DGCR2: variants seen among roughly 807,000 people sequenced by gnomAD.
DGCR2 encodes integral membrane protein DGCR2/IDD.
A neutral mutation model predicts 51.6 loss-of-function variants in DGCR2; 24 were observed. The observed-to-expected ratio is 0.47, with a 90% CI of 0.34 to 0.65. DGCR2 has a LOEUF of 0.65. Ranked by LOEUF, DGCR2 falls within the 30% of genes least tolerant of loss-of-function variation. The pLI, the probability that DGCR2 is intolerant of heterozygous loss-of-function variation, is 0.01. For missense variants in DGCR2, 765 were observed against 772.1 expected (o/e 0.99, Z 0.11); for synonymous variants, 340 against 315.4 (o/e 1.08, Z -0.82).
At chr22:19,051,910 G>C (rs758901684) in intron 6 of DGCR2, among the ~76,000 whole-genome samples, 4 of 152,122 alleles carry the variant, frequency 2.6e-5, no homozygotes, top group Non-Finnish European at 5.9e-5. Context: ...CTAACAGAAG[G>C]GCTAAGATGA....
rs752927749 is a variant in DGCR2 at position 19,037,808 on chromosome 22, C to A, written c.*1057G>T. ...CCAGGAAGGGCCCCCAGCCCCTGCG[C>A]TGCTGAGGAGGGGCCGGGAGGTGTG... On this transcript the variant is annotated 3_prime_UTR_variant, in exon 10 of 10. Transcript: ENST00000263196. The A allele has an allele frequency of 9.5e-4, 145 of 152,608 alleles. No individual in the cohort carries two copies. The highest frequency in any genetic ancestry group is 2.1e-3 in the Admixed American group (32 of 15,292). 9.5% of individuals were successfully genotyped at this position (152,608 alleles called of 1,614,324 possible).
chr22:19,084,781 G>A lies in DGCR2; in HGVS notation c.202+4587C>T, dbSNP rs1256178117. ...GGAGGTGGGGGGTCAGCCCCCGCCC[G>A]GCCAGCCGCCCCGTCCGGGAAGGAG... On this transcript the variant is annotated intron_variant, in intron 2 of 9. Coordinates refer to ENST00000263196, the MANE Select transcript of DGCR2 (RefSeq NM_005137.3). Among the ~76,000 whole-genome samples the A allele has an allele frequency of 1.0e-3, 133 of 132,376 alleles. 1 individual carries two copies. Among genetic ancestry groups the A allele is most frequent in the African/African-American group, 3.1e-3 (104 of 33,656 alleles). The allele number at this position is 132,376 out of a possible 152,430, so 86.8% of individuals were successfully genotyped here.
chr22:19,102,911 T>C (rs866845577), intron 1 of DGCR2, among the ~76,000 whole-genome samples: 3 of 152,102 alleles, frequency 2.0e-5, no homozygotes, highest in African/African-American at 4.8e-5. Context: ...GAGGCTGAGA[T>C]AGGAGGATCA....
intron 6 of DGCR2, chr22:19,056,442 G>C: frequency 1.9e-6 from 1 of 538,090 alleles, no homozygotes; most frequent in Non-Finnish European, 3.4e-6. Context: ...CCCAGAGCCA[G>C]CGCCATCCTG....
intron 2 of DGCR2, among the ~76,000 whole-genome samples, chr22:19,073,770 C>G (rs1407595031): frequency 6.6e-6 from 1 of 152,204 alleles, no homozygotes; most frequent in Non-Finnish European, 1.5e-5. Context: ...CAAGGAAACA[C>G]AAACCTTTGT....
At chr22:19,102,785 C>T (rs1450084122) in intron 1 of DGCR2, among the ~76,000 whole-genome samples, 2 of 152,062 alleles carry the variant, frequency 1.3e-5, no homozygotes, top group African/African-American at 4.8e-5. Flanking sequence ...ACAGGAAGAT[C>T]GCTTGAAGCC....
chr22:19,105,563 G>A (rs1316194466), intron 1 of DGCR2, among the ~76,000 whole-genome samples: 4 of 152,218 alleles, frequency 2.6e-5, no homozygotes, highest in African/African-American at 7.2e-5. Context: ...GTGGGGAAGG[G>A]AGCGATGCAC....
chr22:19,099,590 A>C (rs1451118811), intron 1 of DGCR2, among the ~76,000 whole-genome samples: 1 of 152,142 alleles, frequency 6.6e-6, no homozygotes, highest in Non-Finnish European at 1.5e-5. Context: ...CCACCAACAA[A>C]AAATTGCCTG....
At chr22:19,071,679 C>T (rs920393484) in intron 2 of DGCR2, among the ~76,000 whole-genome samples, 2 of 152,122 alleles carry the variant, frequency 1.3e-5, no homozygotes, top group African/African-American at 4.8e-5. Context: ...TTACATTAAT[C>T]CTTGAATAAA....
chr22:19,070,614 T>C (rs951067139), intron 2 of DGCR2, among the ~76,000 whole-genome samples: 1 of 152,210 alleles, frequency 6.6e-6, no homozygotes, highest in Non-Finnish European at 1.5e-5. Flanking sequence ...ACATGTTGAC[T>C]GAGTGAAGTC....
rs117790660 is a variant in DGCR2 at position 19,077,425 on chromosome 22, T to C, written c.203-9200A>G. Among the ~76,000 whole-genome samples, 221 of 152,350 alleles carry C rather than the reference T, an allele frequency of 1.5e-3. 4 individuals are homozygous for C. In the Middle Eastern group the frequency reaches 0.02, roughly 14 times the overall value. On this transcript the variant is annotated intron_variant, in intron 2 of 9. Transcript: ENST00000263196. ...GTATGTCCAGTTTTCCTAGCACCAT[T>C]CATTCTGAAAAGACACTTTTTCCCT...
chr22:19,109,386 G>A (rs371448518), intron 1 of DGCR2, among the ~76,000 whole-genome samples: 3 of 152,188 alleles, frequency 2.0e-5, no homozygotes, highest in African/African-American at 7.2e-5. Context: ...TAACTAAGAG[G>A]TGGAAGCGAC....
chr22:19,038,964 G>A lies in DGCR2; in HGVS notation c.1554C>T (p.Leu518=), dbSNP rs746636642. 8.1e-6 allele frequency: 13 copies of A among 1,611,908 alleles called. No individual in the cohort carries two copies. The highest frequency in any genetic ancestry group is 4.5e-5 in the East Asian group (2 of 44,882). Residue 518 remains leucine (L), a synonymous_variant, in exon 10 of 10, where the codon CTC becomes CTT. Transcript: ENST00000263196. The stretch of plus-strand genomic sequence containing the variant: ...CGCTCTGGGCAGGGTCAGGGGGCAC[G>A]AGCAGGGCGCTGCTGCTGTCGGCAG... ...EDSADSSSAL[L]VPPDPAQSGS...
intron 4 of DGCR2, among the ~76,000 whole-genome samples, chr22:19,064,158 G>A (rs376404023): frequency 2.2e-4 from 33 of 152,322 alleles, no homozygotes; most frequent in African/African-American, 6.0e-4. Context: ...AGGTCTCCCC[G>A]CATGGCAGGA....
At chr22:19,096,906 A>C (rs78609166) in intron 1 of DGCR2, among the ~76,000 whole-genome samples, 1 of 149,418 alleles carries the variant, frequency 6.7e-6, no homozygotes, top group African/African-American at 2.5e-5. Context: ...AAAAAAAAAA[A>C]CACCCTATGG....
At chr22:19,076,666 T>G (rs1013013039) in intron 2 of DGCR2, among the ~76,000 whole-genome samples, 8 of 151,960 alleles carry the variant, frequency 5.3e-5, no homozygotes, top group African/African-American at 1.9e-4. Context: ...ATCATTAATG[T>G]GCTTATCAGT....
chr22:19,111,370 G>A (rs1050216343), intron 1 of DGCR2, among the ~76,000 whole-genome samples: 1 of 152,136 alleles, frequency 6.6e-6, no homozygotes, highest in Non-Finnish European at 1.5e-5. Context: ...AGGTGGTGGC[G>A]CTCCACTTAG....
chr22:19,067,839 G>A, intron 3 of DGCR2, among the ~76,000 whole-genome samples: 1 of 152,214 alleles, frequency 6.6e-6, no homozygotes, highest in Middle Eastern at 3.2e-3. Context: ...AGTGCCTTCT[G>A]GCCCTGAAAA....
intron 1 of DGCR2, among the ~76,000 whole-genome samples, chr22:19,107,157 C>G (rs910745333): frequency 6.6e-6 from 1 of 152,162 alleles, no homozygotes; most frequent in Admixed American, 6.5e-5. Flanking sequence ...AAACCCATTT[C>G]CAAACAGCCC....
Sources: allele counts gnomAD v4.1 joint callset (sites outside exome capture counted in the v4.1 genomes callset), GRCh38; gene constraint gnomAD v4.1.1; transcripts MANE v1.5; gene names NCBI Gene and HGNC (gene_info 2026-07-23, HGNC 2026-07-21).